Variants in GRID2 observed in about 807,000 individuals in gnomAD.
GRID2 encodes the protein glutamate receptor ionotropic, delta-2.
GRID2 carries 33 observed loss-of-function variants against 114.8 expected under a neutral mutation model. The observed-to-expected ratio is 0.29, with a 90% CI of 0.22 to 0.38. The LOEUF is 0.38. Among genes scored for constraint, GRID2 ranks in the 10% least tolerant of loss-of-function variants. The probability of loss-of-function intolerance (pLI) is 1.00; values close to 1 mark genes in which losing one functional copy is unlikely to be tolerated. For synonymous variants in GRID2, 505 were observed against 449.9 expected (o/e 1.12, Z -1.55); for missense variants, 1,184 against 1,257.7 (o/e 0.94, Z 0.89).
intron 4 of GRID2, among the ~76,000 whole-genome samples, chr4:93,199,852 A>G (rs991731150): frequency 2.6e-5 from 4 of 152,226 alleles, no homozygotes; most frequent in Non-Finnish European, 4.4e-5. Context: ...TCTTGGCTTC[A>G]GTTCTTTAAT....
chr4:92,855,946 C>T (rs538430762), intron 2 of GRID2, among the ~76,000 whole-genome samples: 34 of 152,160 alleles, frequency 2.2e-4, no homozygotes, highest in Admixed American at 1.6e-3. Context: ...CATCATGTCA[C>T]GCGATGTTTC....
At chr4:93,660,144 G>C (rs925368824) in intron 14 of GRID2, among the ~76,000 whole-genome samples, 2 of 151,878 alleles carry the variant, frequency 1.3e-5, no homozygotes. Flanking sequence ...AAGAATATCC[G>C]CATGTGAAAA....
At chr4:92,470,636 C>T (rs1000190838) in intron 1 of GRID2, among the ~76,000 whole-genome samples, 4 of 151,806 alleles carry the variant, frequency 2.6e-5, no homozygotes, top group Non-Finnish European at 5.9e-5. Context: ...TAAAGTATTG[C>T]CTCAAACTAA....
At chr4:93,541,577 A>C (rs1449301982) in intron 13 of GRID2, among the ~76,000 whole-genome samples, 1 of 150,618 alleles carries the variant, frequency 6.6e-6, no homozygotes, top group African/African-American at 2.5e-5. Context: ...AATATCTGAT[A>C]TATATTTCAA....
At chr4:92,718,694 T>C (rs557181105) in intron 2 of GRID2, among the ~76,000 whole-genome samples, 9 of 143,594 alleles carry the variant, frequency 6.3e-5, no homozygotes, top group African/African-American at 1.0e-4. Context: ...ACCCAGGTGA[T>C]TGAGGCTGCA....
At chr4:92,622,393 G>A (rs1190496275) in intron 2 of GRID2, among the ~76,000 whole-genome samples, 1 of 151,550 alleles carries the variant, frequency 6.6e-6, no homozygotes, top group African/African-American at 2.4e-5. Flanking sequence ...AATTCTCTTG[G>A]AGTGGATGCT....
At chr4:93,389,429 G>A (rs1244641251) in intron 8 of GRID2, among the ~76,000 whole-genome samples, 1 of 152,116 alleles carries the variant, frequency 6.6e-6, no homozygotes, top group Non-Finnish European at 1.5e-5. Context: ...ATTAGGACAC[G>A]GTGTCTAGTT....
At chr4:92,857,343 G>A (rs1744245161) in intron 2 of GRID2, among the ~76,000 whole-genome samples, 1 of 152,020 alleles carries the variant, frequency 6.6e-6, no homozygotes, top group Admixed American at 6.6e-5. Flanking sequence ...TCTTGCACCA[G>A]TTAGCAAAGT....
chr4:92,933,744 C>G (rs1189426746), intron 2 of GRID2, among the ~76,000 whole-genome samples: 5 of 151,548 alleles, frequency 3.3e-5, no homozygotes. Flanking sequence ...ACTATGGCAA[C>G]CCTCCCACCA....
At chr4:92,748,367 C>A (rs1027049170) in intron 2 of GRID2, among the ~76,000 whole-genome samples, 2 of 152,076 alleles carry the variant, frequency 1.3e-5, no homozygotes, top group Admixed American at 6.6e-5. Flanking sequence ...AGCGACACCA[C>A]CATCTCTGGT....
chr4:92,990,836 C>T (rs961729424), intron 2 of GRID2, among the ~76,000 whole-genome samples: 1 of 151,996 alleles, frequency 6.6e-6, no homozygotes, highest in South Asian at 2.1e-4. Flanking sequence ...CCATTGCCCT[C>T]TAGAAAAGTA....
intron 8 of GRID2, among the ~76,000 whole-genome samples, chr4:93,254,975 A>T (rs1311883086): frequency 6.6e-6 from 1 of 152,094 alleles, no homozygotes; most frequent in African/African-American, 2.4e-5. Flanking sequence ...AGTCTTTTAC[A>T]AACAAACAAA....
chr4:92,524,181 T>C (rs1473132317), intron 1 of GRID2, among the ~76,000 whole-genome samples: 3 of 152,016 alleles, frequency 2.0e-5, no homozygotes, highest in African/African-American at 7.2e-5. Context: ...CTTGAAATAC[T>C]TGCAGAAGAA....
At chr4:92,767,467 T>G (rs1239502851) in intron 2 of GRID2, among the ~76,000 whole-genome samples, 1 of 152,154 alleles carries the variant, frequency 6.6e-6, no homozygotes, top group Non-Finnish European at 1.5e-5. Context: ...ATAATAGTAA[T>G]GATACTACTT....
At chr4:93,139,043 T>C (rs903980018) in intron 4 of GRID2, among the ~76,000 whole-genome samples, 8 of 152,226 alleles carry the variant, frequency 5.3e-5, no homozygotes, top group Admixed American at 2.0e-4. Flanking sequence ...ACTCAGGTTG[T>C]ATAAATCAGG....
At chr4:93,573,820 T>A (rs1270651232) in intron 13 of GRID2, among the ~76,000 whole-genome samples, 3 of 152,160 alleles carry the variant, frequency 2.0e-5, no homozygotes, top group Non-Finnish European at 4.4e-5. Context: ...GTTCCACATG[T>A]AGATAAAACA....
intron 14 of GRID2, among the ~76,000 whole-genome samples, chr4:93,644,019 G>A (rs1196247424): frequency 1.1e-5 from 1 of 88,074 alleles, no homozygotes; most frequent in East Asian, 2.3e-4. Flanking sequence ...CTCGTGGTGC[G>A]CCGTTTCTTA....
intron 2 of GRID2, among the ~76,000 whole-genome samples, chr4:93,048,475 A>C (rs1044709058): frequency 2.6e-5 from 4 of 151,792 alleles, no homozygotes; most frequent in African/African-American, 9.7e-5. Flanking sequence ...TTCTGAACAA[A>C]CTTCCGTCTG....
At chr4:92,404,971 A>T in intron 1 of GRID2, among the ~76,000 whole-genome samples, 1 of 152,294 alleles carries the variant, frequency 6.6e-6, no homozygotes, top group African/African-American at 2.4e-5. Flanking sequence ...GCGTACCACC[A>T]TGGGACACAC....
Sources: gnomAD v4.1 joint callset for allele counts (sites outside exome capture counted in the v4.1 genomes callset) on GRCh38, gnomAD v4.1.1 for gene constraint, MANE v1.5 for transcripts, NCBI Gene and HGNC (gene_info 2026-07-23, HGNC 2026-07-21) for gene names.